Variants in HEPACAM2 observed in about 807,000 individuals in gnomAD.
HEPACAM2 encodes HEPACAM family member 2, also known as mitotic kinetics regulator.
Under a neutral mutation model 49.6 loss-of-function variants are expected in HEPACAM2, and 49 were observed. That is an observed-to-expected ratio of 0.99 (90% CI 0.78 to 1.25). The LOEUF is 1.25. Among genes scored for constraint, HEPACAM2 ranks in the 50% most tolerant of loss-of-function variants. HEPACAM2 has a pLI of 0.00. For synonymous variants in HEPACAM2, 197 were observed against 202.9 expected (o/e 0.97, Z 0.25); for missense variants, 525 against 557.2 (o/e 0.94, Z 0.58).
intron 3 of HEPACAM2, 41 bp downstream of exon 3, chr7:93,215,360 C>CA: frequency 6.4e-7 from 1 of 1,568,620 alleles, no homozygotes. Context: ...TCTCAGAAAA[C>CA]AACAAAAAAC....
chr7:93,212,511 G>GTT (rs147294389), intron 3 of HEPACAM2, among the ~76,000 whole-genome samples: 3 of 147,238 alleles, frequency 2.0e-5, no homozygotes, highest in Non-Finnish European at 4.5e-5. Context: ...GAAATGCACG[G>GTT]TTTTTTTTTT....
intron 4 of HEPACAM2, among the ~76,000 whole-genome samples, chr7:93,202,206 CAATAA>C (rs1452088699): frequency 6.7e-6 from 1 of 149,884 alleles, no homozygotes; most frequent in Non-Finnish European, 1.5e-5. Context: ...TTAGATCTGA[CAATAA>C]AATAAAAACT....
intron 4 of HEPACAM2, among the ~76,000 whole-genome samples, chr7:93,198,657 G>A (rs957033957): frequency 1.3e-5 from 2 of 152,068 alleles, no homozygotes; most frequent in African/African-American, 2.4e-5. Flanking sequence ...AATCATGGCA[G>A]TTGCTTGTCT....
At chr7:93,189,297 A>G (rs115915100) in intron 9 of HEPACAM2, 27 bp from the exon 10 acceptor site, 1 of 1,562,786 alleles carries the variant, frequency 6.4e-7, no homozygotes, top group Non-Finnish European at 8.7e-7. Flanking sequence ...CAAAATATGT[A>G]AACAGTTCTA....
rs145244580 is a variant in HEPACAM2, at chr7:93,195,875, C to T, written c.1228G>A (p.Gly410Arg). The T allele has an allele frequency of 3.8e-3, 6,081 of 1,612,820 alleles. 16 individuals carry two copies. Among genetic ancestry groups the T allele is most frequent in the Non-Finnish European group, 4.7e-3 (5,536 of 1,179,330 alleles). The change falls in exon 8 of 10, where the codon GGA (glycine) becomes AGA (arginine). Residue 410 changes from glycine (G) to arginine (R), a missense_variant. Coordinates refer to ENST00000394468, the MANE Select transcript of HEPACAM2 (RefSeq NM_001039372.4). ...SGHEDALDDF[G>R]IYEFVAFPDV... ...GGAAAAGCAACAAATTCATATATTC[C>T]GAAGTCATCCAGAGCATCTTCATGG...
chr7:93,209,284 T>C (rs1338763397), intron 3 of HEPACAM2, among the ~76,000 whole-genome samples: 2 of 152,018 alleles, frequency 1.3e-5, no homozygotes, highest in African/African-American at 2.4e-5. Context: ...ATTTTATTAT[T>C]ATTTTTAATT....
Position 93,189,240 on chromosome 7 carries a change from C to T in HEPACAM2, c.*27G>A, listed in dbSNP as rs372799251. 5.1e-5 allele frequency: 80 copies of T among 1,580,426 alleles called. No homozygotes were observed. The highest frequency in any genetic ancestry group is 2.1e-4 in the Admixed American group (12 of 58,200). On this transcript the variant is annotated 3_prime_UTR_variant, in exon 10 of 10. Coordinates refer to ENST00000394468, the MANE Select transcript of HEPACAM2 (RefSeq NM_001039372.4). The stretch of plus-strand genomic sequence containing the variant: ...TAAAATGTTTCTTCAGAATTTCACT[C>T]GAATGTACTGTTTAGCCCATGAAAG...
intron 4 of HEPACAM2, among the ~76,000 whole-genome samples, chr7:93,206,491 G>A (rs908555510): frequency 6.6e-6 from 1 of 152,024 alleles, no homozygotes; most frequent in African/African-American, 2.4e-5. Flanking sequence ...AAACACATAT[G>A]CTTTTTGGGT....
upstream of HEPACAM2, among the ~76,000 whole-genome samples, chr7:93,229,058 G>A (rs548815164): frequency 3.9e-5 from 6 of 152,284 alleles, no homozygotes; most frequent in East Asian, 5.8e-4. Context: ...GCTAGCACAC[G>A]CATGTTTTGC....
At chr7:93,195,566 C>T (rs42511) in intron 8 of HEPACAM2, among the ~76,000 whole-genome samples, 72,375 of 152,044 alleles carry the variant, frequency 0.48, 21,296 homozygotes, top group Non-Finnish European at 0.65. Context: ...TCTCTCTTCA[C>T]TGAGATTACC....
At chr7:93,218,976 T>C in intron 2 of HEPACAM2, 125 bp downstream of exon 2, 4 of 715,048 alleles carry the variant, frequency 5.6e-6, no homozygotes, top group Non-Finnish European at 7.0e-6. Flanking sequence ...TATTGAGGCT[T>C]TGAGGATTAA....
intron 4 of HEPACAM2, among the ~76,000 whole-genome samples, chr7:93,199,181 T>C (rs1793815670): frequency 1.3e-5 from 2 of 152,128 alleles, no homozygotes; most frequent in African/African-American, 4.8e-5. Flanking sequence ...AATGTTATTC[T>C]ATGGGATTAT....
At chr7:93,218,805 A>C (rs1327655546) in intron 2 of HEPACAM2, among the ~76,000 whole-genome samples, 1 of 152,088 alleles carries the variant, frequency 6.6e-6, no homozygotes, top group Non-Finnish European at 1.5e-5. Flanking sequence ...TCTCCATCTC[A>C]TCAAATTAGC....
At chr7:93,226,345 A>G in intron 1 of HEPACAM2, 23 bp downstream of exon 1, 1 of 1,577,520 alleles carries the variant, frequency 6.3e-7, no homozygotes. Context: ...AACAGCTAAA[A>G]CACAATTCAC....
chr7:93,223,611 T>G (rs1794489852), intron 1 of HEPACAM2, among the ~76,000 whole-genome samples: 1 of 152,184 alleles, frequency 6.6e-6, no homozygotes. Flanking sequence ...GTTCAGTGCT[T>G]TCTTATTAAA....
chr7:93,226,815 T>C (rs1479309107), upstream of HEPACAM2, among the ~76,000 whole-genome samples: 1 of 152,150 alleles, frequency 6.6e-6, no homozygotes, highest in Non-Finnish European at 1.5e-5. Context: ...AAAAGCTGGT[T>C]TTCTATCATG....
intron 8 of HEPACAM2, among the ~76,000 whole-genome samples, chr7:93,193,885 C>T (rs760545228): frequency 3.3e-5 from 5 of 152,080 alleles, no homozygotes; most frequent in African/African-American, 1.2e-4. Context: ...TACATAGCTA[C>T]GTATACATAG....
rs780573474 is a variant in HEPACAM2, at chr7:93,195,850, G to C, written c.1253C>G (p.Pro418Arg). The change falls in exon 8 of 10, where the codon CCA (proline) becomes CGA (arginine). Residue 418 changes from proline to arginine, a missense_variant. By Grantham distance (103) the Pro-to-Arg change is moderately radical (BLOSUM62 -2). Coordinates refer to ENST00000394468, the MANE Select transcript of HEPACAM2 (RefSeq NM_001039372.4). The stretch of plus-strand genomic sequence containing the variant: ...AACCCTGGAAACACCAGAAACATCT[G>C]GAAAAGCAACAAATTCATATATTCC... ...DFGIYEFVAF[P>R]DVSGVSRIPS... 1 of 1,612,866 alleles carries C rather than the reference G, an allele frequency of 6.2e-7. No homozygotes were observed. The highest frequency in any genetic ancestry group is 8.5e-7 in the Non-Finnish European group (1 of 1,179,308).
At chr7:93,229,511 C>T (rs553664120), upstream of HEPACAM2, among the ~76,000 whole-genome samples, 1 of 152,298 alleles carries the variant, frequency 6.6e-6, no homozygotes, top group Admixed American at 6.5e-5. Context: ...AGGATCTCAG[C>T]TTTTATTTAA....
Sources: allele counts gnomAD v4.1 joint callset (sites outside exome capture counted in the v4.1 genomes callset), GRCh38; gene constraint gnomAD v4.1.1; transcripts MANE v1.5; gene names NCBI Gene and HGNC (gene_info 2026-07-23, HGNC 2026-07-21).